Variants in PAK1 observed in about 807,000 individuals in gnomAD.
The protein encoded by PAK1 is serine/threonine-protein kinase PAK 1.
Under a neutral mutation model 67.4 loss-of-function variants are expected in PAK1, and 29 were observed. The observed-to-expected ratio is 0.43, with a 90% CI of 0.32 to 0.59. The LOEUF (loss-of-function observed/expected upper bound fraction) is 0.59, where lower values mean the gene tolerates loss of function less well. Among genes scored for constraint, PAK1 ranks in the 20% least tolerant of loss-of-function variants. The probability of loss-of-function intolerance (pLI) is 0.07; values close to 1 mark genes in which losing one functional copy is unlikely to be tolerated. For missense variants in PAK1, 337 were observed against 670.7 expected (o/e 0.50, Z 5.50); for synonymous variants, 223 against 237.4 (o/e 0.94, Z 0.56).
rs776989503 is a variant in PAK1 at position 77,421,989 on chromosome 11, A to C, written c.-21-29448T>G. 9.3e-4 allele frequency among the ~76,000 whole-genome samples: 141 copies of C among 152,302 alleles called. 2 individuals carry two copies. Among genetic ancestry groups the C allele is most frequent in the Non-Finnish European group, 5.0e-4 (34 of 68,030 alleles). Reference sequence around the variant, plus strand: ...TTGCTTATCCTTTAGGACCCAGCTTAAATGTCACCACTTCTATGAAGGCTT... The same window carrying C: ...TTGCTTATCCTTTAGGACCCAGCTTCAATGTCACCACTTCTATGAAGGCTT... On this transcript the variant is annotated intron_variant, in intron 1 of 14. Coordinates refer to ENST00000356341, the MANE Select transcript of PAK1 (RefSeq NM_002576.5).
chr11:77,446,727 T>C (rs1481500582), intron 1 of PAK1, among the ~76,000 whole-genome samples: 1 of 151,988 alleles, frequency 6.6e-6, no homozygotes, highest in Non-Finnish European at 1.5e-5. Context: ...AATTGGCAGA[T>C]TGAAAACACA....
chr11:77,440,912 T>C (rs1956327457), intron 1 of PAK1, among the ~76,000 whole-genome samples: 1 of 152,062 alleles, frequency 6.6e-6, no homozygotes, highest in Non-Finnish European at 1.5e-5. Context: ...CCTCCATTAG[T>C]TTGTTCTCCA....
chr11:77,369,829 G>A lies in PAK1; in HGVS notation c.477+4499C>T, dbSNP rs522668. 7.2e-3 allele frequency among the ~76,000 whole-genome samples: 1,091 copies of A among 152,156 alleles called. 3 individuals are homozygous for A. The highest frequency in any genetic ancestry group is 0.011 in the Non-Finnish European group (728 of 68,000). On this transcript the variant is annotated intron_variant, in intron 5 of 14. Coordinates refer to ENST00000356341, the MANE Select transcript of PAK1 (RefSeq NM_002576.5). ...CTAATAGCAGGGTGTTTTTGTAGATGAAACATCTACAGATCCTCTCTGAAA... is the reference window on the plus strand; with the variant it reads ...CTAATAGCAGGGTGTTTTTGTAGATAAAACATCTACAGATCCTCTCTGAAA...
intron 9 of PAK1, among the ~76,000 whole-genome samples, chr11:77,348,448 G>C (rs995498530): frequency 3.9e-5 from 6 of 152,170 alleles, no homozygotes; most frequent in Non-Finnish European, 5.9e-5. Flanking sequence ...TTAATGAAAT[G>C]AGAGGGACAA....
the PAK1 span, among the ~76,000 whole-genome samples, chr11:77,522,176 C>T: frequency 6.6e-6 from 1 of 152,174 alleles, no homozygotes; most frequent in Non-Finnish European, 1.5e-5. Flanking sequence ...CAGATAAGAC[C>T]TTTTAAAGCC....
At chr11:77,417,425 T>C (rs529607633) in intron 1 of PAK1, among the ~76,000 whole-genome samples, 7 of 152,250 alleles carry the variant, frequency 4.6e-5, no homozygotes, top group African/African-American at 9.6e-5. Context: ...GGCTAAACTA[T>C]AGAAATAGTA....
chr11:77,386,126 G>C (rs547637217), intron 2 of PAK1, among the ~76,000 whole-genome samples: 2 of 152,262 alleles, frequency 1.3e-5, no homozygotes, highest in South Asian at 4.1e-4. Flanking sequence ...TAGACCACTT[G>C]GCTTTCTGAT....
At chr11:77,461,560 A>G (rs1312318285) in intron 1 of PAK1, among the ~76,000 whole-genome samples, 1 of 152,226 alleles carries the variant, frequency 6.6e-6, no homozygotes, top group African/African-American at 2.4e-5. Context: ...TTTACAATGA[A>G]GACTAAAGAG....
At chr11:77,373,562 TAAAAAAAA>T (rs34413403) in intron 5 of PAK1, among the ~76,000 whole-genome samples, 1 of 120,776 alleles carries the variant, frequency 8.3e-6, no homozygotes, top group African/African-American at 3.1e-5. Flanking sequence ...CTCGTCTCTT[TAAAAAAAA>T]AAAAAAAAAA....
intron 8 of PAK1, among the ~76,000 whole-genome samples, chr11:77,351,055 T>C (rs368394241): frequency 6.6e-6 from 1 of 152,146 alleles, no homozygotes; most frequent in East Asian, 1.9e-4. Context: ...ATTAGACATA[T>C]GAATTCCAAG....
At chr11:77,342,737 A>C (rs145942154) in intron 10 of PAK1, among the ~76,000 whole-genome samples, 40 of 152,320 alleles carry the variant, frequency 2.6e-4, no homozygotes, top group Admixed American at 2.6e-3. Context: ...TTTTAGATGC[A>C]GAACAAGAAG....
At chr11:77,327,881 A>C (rs1396578208) in intron 14 of PAK1, among the ~76,000 whole-genome samples, 1 of 152,334 alleles carries the variant, frequency 6.6e-6, no homozygotes, top group East Asian at 1.9e-4. Flanking sequence ...TGCTGTATTC[A>C]GGAAACCCAT....
intron 1 of PAK1, among the ~76,000 whole-genome samples, chr11:77,404,458 G>A (rs1306355151): frequency 6.6e-6 from 1 of 151,862 alleles, no homozygotes; most frequent in Non-Finnish European, 1.5e-5. Flanking sequence ...GTAGAGACAG[G>A]GTTTCACCAT....
intron 1 of PAK1, among the ~76,000 whole-genome samples, chr11:77,447,287 G>C (rs980367654): frequency 2.0e-5 from 3 of 152,080 alleles, no homozygotes; most frequent in African/African-American, 7.2e-5. Flanking sequence ...CAAATAGTTG[G>C]GATAAGAATC....
At chr11:77,522,862 C>A in the PAK1 span, among the ~76,000 whole-genome samples, 3 of 152,162 alleles carry the variant, frequency 2.0e-5, no homozygotes, top group Non-Finnish European at 4.4e-5. Context: ...AAATGCCATA[C>A]ATATACACTA....
chr11:77,516,301 G>T, the PAK1 span, among the ~76,000 whole-genome samples: 1 of 152,094 alleles, frequency 6.6e-6, no homozygotes, highest in African/African-American at 2.4e-5. Flanking sequence ...ATACAATGTC[G>T]TGACTAAAAG....
At chr11:77,447,247 T>C (rs1956654004) in intron 1 of PAK1, among the ~76,000 whole-genome samples, 1 of 152,212 alleles carries the variant, frequency 6.6e-6, no homozygotes, top group Non-Finnish European at 1.5e-5. Context: ...AGGTCCTTTG[T>C]GTTTGGGCTC....
the PAK1 span, among the ~76,000 whole-genome samples, chr11:77,513,703 T>A: frequency 6.9e-6 from 1 of 145,196 alleles, no homozygotes; most frequent in Non-Finnish European, 1.5e-5. Flanking sequence ...AAAAAGCATT[T>A]CTACTGAAAG....
intron 1 of PAK1, chr11:77,455,980 T>A (rs1453212558): frequency 6.6e-6 from 1 of 152,164 alleles, no homozygotes; most frequent in African/African-American, 2.4e-5. Context: ...CTATTTCAAG[T>A]GCAAAGATCA....
Sources: allele counts gnomAD v4.1 joint callset (sites outside exome capture counted in the v4.1 genomes callset), GRCh38; gene constraint gnomAD v4.1.1; transcripts MANE v1.5; gene names NCBI Gene and HGNC (gene_info 2026-07-23, HGNC 2026-07-21).